Variants in ZFC3H1 observed in about 807,000 individuals in gnomAD.
ZFC3H1 encodes the protein zinc finger C3H1-type containing, also known as zinc finger C3H1 domain-containing protein.
In ZFC3H1, 71 loss-of-function variants were observed where a neutral mutation model predicts 243.7. The observed-to-expected ratio is 0.29, with a 90% confidence interval of 0.24 to 0.36. The LOEUF is 0.36. Ranked by LOEUF, ZFC3H1 falls within the 10% of genes least tolerant of loss-of-function variation. ZFC3H1 has a pLI of 1.00. For synonymous variants in ZFC3H1, 838 were observed against 813.0 expected (o/e 1.03, Z -0.52); for missense variants, 1,966 against 2,317.1 (o/e 0.85, Z 3.11).
chr12:71,618,314 G>C (rs1043147797), intron 27 of ZFC3H1, among the ~76,000 whole-genome samples: 1 of 151,328 alleles, frequency 6.6e-6, no homozygotes, highest in Non-Finnish European at 1.5e-5. Flanking sequence ...CAAGTTCTAG[G>C]TTGAATAGAT....
Position 71,624,578 on chromosome 12 carries a change from T to C in ZFC3H1, c.4318-286A>G, listed in dbSNP as rs1880112414. Among the ~76,000 whole-genome samples the C allele has an allele frequency of 2.0e-5, 3 of 152,228 alleles. 1 individual carries two copies. Among genetic ancestry groups the C allele is most frequent in the Admixed American group, 2.0e-4 (3 of 15,282 alleles). On this transcript the variant is annotated intron_variant, in intron 22 of 34. Coordinates refer to ENST00000378743, the MANE Select transcript of ZFC3H1 (RefSeq NM_144982.5). ...TCTTTTCCCTGACTTAAAAGGTAAA[T>C]CGCAGCAAGATCATGATGAATATCC...
At position 71,632,503 on chromosome 12, in the gene ZFC3H1, C is replaced by T. The variant is rs767023355; in HGVS notation, c.2829G>A (p.Met943Ile). Residue 943 changes from methionine (M) to isoleucine (I), a missense_variant, in exon 15 of 35, where the codon ATG becomes ATA. Coordinates refer to ENST00000378743, the MANE Select transcript of ZFC3H1 (RefSeq NM_144982.5). ...LEQDRFGPNK[M>I]MRLDSSPVSS... ...ATACTGGAGAACTGTCCAGTCTCAT[C>T]ATTTTGTTTGGCTAAGGGAGAAAAA... 21 of 1,557,014 alleles carry T rather than the reference C, an allele frequency of 1.3e-5. No homozygotes were observed. The highest frequency in any genetic ancestry group is 8.6e-7 in the Non-Finnish European group (1 of 1,164,446).
intron 4 of ZFC3H1, 43 bp downstream of exon 4, chr12:71,644,834 A>T: frequency 3.8e-6 from 6 of 1,586,490 alleles, no homozygotes; most frequent in Non-Finnish European, 5.1e-6. Context: ...ACAAAAGAAA[A>T]GAAAACAAAA....
chr12:71,630,933 G>A lies in ZFC3H1; in HGVS notation c.3492C>T (p.Thr1164=), dbSNP rs768306570. ...KSYRFSPYYR[T]KEKLPLSSVS... is the part of the protein sequence containing the mutation. ...CTGAGCTCAGGGGAAGTTTTTCCTTGGTTCGATAATATGGACTAAATCTAA... is the reference window on the plus strand; with the variant it reads ...CTGAGCTCAGGGGAAGTTTTTCCTTAGTTCGATAATATGGACTAAATCTAA... Residue 1164 remains threonine (T), a synonymous_variant, in exon 17 of 35, where the codon ACC becomes ACT. Transcript: ENST00000378743. 6.2e-7 allele frequency: 1 copy of A among 1,611,604 alleles called. No individual in the cohort carries two copies. The highest frequency in any genetic ancestry group is 8.5e-7 in the Non-Finnish European group (1 of 1,178,408).
At chr12:71,631,178 A>G (rs1387821237) in intron 16 of ZFC3H1, among the ~76,000 whole-genome samples, 1 of 150,076 alleles carries the variant, frequency 6.7e-6, no homozygotes, top group Non-Finnish European at 1.5e-5. Flanking sequence ...GTTTAAACAG[A>G]AAAAAAACCT....
intron 1 of ZFC3H1, among the ~76,000 whole-genome samples, chr12:71,661,462 GTTA>G (rs1881173540): frequency 1.3e-5 from 2 of 148,768 alleles, no homozygotes; most frequent in African/African-American, 5.0e-5. Context: ...CTTTTAAAAA[GTTA>G]AATATCTATA....
intron 5 of ZFC3H1, among the ~76,000 whole-genome samples, chr12:71,642,909 C>T (rs979088860): frequency 1.3e-5 from 2 of 152,066 alleles, no homozygotes; most frequent in African/African-American, 4.8e-5. Context: ...AATACAAAAA[C>T]AAGTTTTATG....
At chr12:71,639,732 A>T (rs1377975622) in intron 6 of ZFC3H1, among the ~76,000 whole-genome samples, 3 of 152,190 alleles carry the variant, frequency 2.0e-5, no homozygotes, top group Non-Finnish European at 2.9e-5. Flanking sequence ...TGCCCTCAGC[A>T]AGAGTAGCCT....
intron 22 of ZFC3H1, 26 bp from the exon 23 acceptor site, chr12:71,624,318 A>T: frequency 6.4e-7 from 1 of 1,551,128 alleles, no homozygotes; most frequent in Non-Finnish European, 8.7e-7. Context: ...TTATATTATT[A>T]ATGTTGCCTT....
At chr12:71,648,174 A>G (rs1022327637) in intron 2 of ZFC3H1, among the ~76,000 whole-genome samples, 3 of 152,364 alleles carry the variant, frequency 2.0e-5, no homozygotes, top group Middle Eastern at 3.4e-3. Flanking sequence ...GATAGAATAT[A>G]ATGATGACTA....
Position 71,630,262 on chromosome 12 carries a change from C to A in ZFC3H1, c.3724+338G>T, listed in dbSNP as rs544903471. On this transcript the variant is annotated intron_variant, in intron 18 of 34. Transcript: ENST00000378743. ...TAAAATCAATAGTAAAGTTTCTATA[C>A]AAATAGCTTAATATTTTCTTTTAAA... Among the ~76,000 whole-genome samples, 33 of 152,230 alleles carry A rather than the reference C, an allele frequency of 2.2e-4. 1 individual carries two copies. The highest frequency in any genetic ancestry group is 1.0e-3 in the South Asian group (5 of 4,822).
chr12:71,620,494 A>C (rs1018123300), intron 24 of ZFC3H1, among the ~76,000 whole-genome samples, 179 bp from the exon 25 acceptor site: 3 of 152,208 alleles, frequency 2.0e-5, no homozygotes, highest in Non-Finnish European at 4.4e-5. Context: ...AATTCAAGTA[A>C]TCTCCAAAAT....
rs527694350 is a variant in ZFC3H1 at position 71,663,020 on chromosome 12, C to A, written c.591G>T (p.Arg197=). Residue 197 remains arginine (R), a synonymous_variant, in exon 1 of 35, where the codon CGG becomes CGT. Coordinates refer to ENST00000378743, the MANE Select transcript of ZFC3H1 (RefSeq NM_144982.5). ...SQSWREPSPP[R]KSSKSFGRSP... ...CCGCCACGTTAAGGATACAGCTCTT[C>A]CGAGGTGGAGAGGGCTCTCGCCAGC... 6.2e-7 allele frequency: 1 copy of A among 1,601,972 alleles called. No individual in the cohort carries two copies. The highest frequency in any genetic ancestry group is 8.5e-7 in the Non-Finnish European group (1 of 1,174,110).
chr12:71,645,148 C>G (rs1880697054), intron 3 of ZFC3H1, 73 bp from the exon 4 acceptor site: 1 of 1,394,592 alleles, frequency 7.2e-7, no homozygotes, highest in Admixed American at 2.8e-5. Context: ...CAAGTCAAAT[C>G]CTTTATGATA....
At chr12:71,633,072 T>C in intron 13 of ZFC3H1, 55 bp from the exon 14 acceptor site, 1 of 1,529,976 alleles carries the variant, frequency 6.5e-7, no homozygotes. Context: ...AAACAGGAAA[T>C]TTCTTCTTCT....
At chr12:71,611,672 A>T (rs1158634482) in intron 32 of ZFC3H1, 114 bp downstream of exon 32, 80 of 177,612 alleles carry the variant, frequency 4.5e-4, no homozygotes, top group African/African-American at 2.0e-3. Flanking sequence ...AAAAAAAAAA[A>T]AAAAATATAT....
chr12:71,623,725 C>T (rs922808364), intron 23 of ZFC3H1, 128 bp from the exon 24 acceptor site: 3 of 682,576 alleles, frequency 4.4e-6, no homozygotes, highest in Non-Finnish European at 6.9e-6. Flanking sequence ...TTTAAGTGTC[C>T]TGATACTTAA....
chr12:71,660,198 TCA>T (rs1258232768), intron 1 of ZFC3H1: 1 of 152,218 alleles, frequency 6.6e-6, no homozygotes, highest in African/African-American at 2.4e-5. Context: ...ATTATTATAA[TCA>T]CATAGTGGAA....
intron 27 of ZFC3H1, among the ~76,000 whole-genome samples, chr12:71,616,296 T>TA (rs35035703): frequency 1.3e-5 from 2 of 151,146 alleles, no homozygotes; most frequent in East Asian, 1.9e-4. Context: ...GACCCTTTCT[T>TA]AAAAAAAAAG....
Sources: allele counts gnomAD v4.1 joint callset (sites outside exome capture counted in the v4.1 genomes callset), GRCh38; gene constraint gnomAD v4.1.1; transcripts MANE v1.5; gene names NCBI Gene and HGNC (gene_info 2026-07-23, HGNC 2026-07-21).